Variants in MDGA1 observed in about 807,000 individuals in gnomAD.
MDGA1 encodes MAM domain containing glycosylphosphatidylinositol anchor 1, also known as MAM domain-containing glycosylphosphatidylinositol anchor protein 1.
A neutral mutation model predicts 101.5 loss-of-function variants in MDGA1; 54 were observed. The ratio of observed to expected loss-of-function variants is 0.53; its 90% CI spans 0.43 to 0.67. MDGA1 has a LOEUF of 0.67. Ranked by LOEUF, MDGA1 falls within the 30% of genes least tolerant of loss-of-function variation. The pLI is 0.00. For synonymous variants in MDGA1, 533 were observed against 558.3 expected, an observed-to-expected ratio of 0.95 and a Z score of 0.64; for missense variants, 1,083 against 1,323.8, an observed-to-expected ratio of 0.82 and a Z score of 2.82.
rs55772486 is a variant in MDGA1, at chr6:37,696,876, G to T, written c.-65C>A. On this transcript the variant is annotated 5_prime_UTR_variant, in exon 1 of 17. Transcript: ENST00000434837. This position sits in a 1 kb window ranked among gnomAD's most constrained non-coding sequence, Gnocchi z 5.6. ...CCGAGAGGCGGCGGGGGGCGCATTC[G>T]CCGGGGCCCCGCGACGCCCCTATGT... The T allele has an allele frequency of 2.8e-6, 4 of 1,421,996 alleles. No homozygotes were observed. Among genetic ancestry groups the T allele is most frequent in the Admixed American group, 2.0e-5 (1 of 50,686 alleles). 88.1% of individuals were successfully genotyped at this position (1,421,996 alleles called of 1,614,324 possible). A position where few individuals can be genotyped will look rare whatever the true frequency, so the allele number is the denominator to read the frequency against.
chr6:37,653,010 C>T (rs972510135), intron 6 of MDGA1, among the ~76,000 whole-genome samples: 15 of 152,146 alleles, frequency 9.9e-5, no homozygotes, highest in African/African-American at 3.6e-4. Context: ...GAAAACACAG[C>T]ATTTGGAAAG....
chr6:37,664,345 T>C, intron 1 of MDGA1: 1 of 515,344 alleles, frequency 1.9e-6, no homozygotes, highest in East Asian at 3.0e-5. Flanking sequence ...AGAGCTGTGC[T>C]TTTCAGTGGG....
Position 37,638,459 on chromosome 6 carries a change from G to A in MDGA1, c.2667+78C>T, listed in dbSNP as rs1763985704. 16 of 1,594,422 alleles carry A rather than the reference G, an allele frequency of 1.0e-5. No homozygotes were observed. The South Asian group carries it at 1.8e-4, about 18-fold the overall frequency. On this transcript the variant is annotated intron_variant, in intron 15 of 16. Coordinates refer to ENST00000434837, the MANE Select transcript of MDGA1 (RefSeq NM_153487.4). This position sits in a 1 kb window ranked among gnomAD's most constrained non-coding sequence, Gnocchi z 4.8. Reference sequence around the variant, plus strand: ...TCCATCCTTAGCCCCCAGGAAGAAGGACAAGGTTTTCCTAAGTGTTTCCTG... The same window carrying A: ...TCCATCCTTAGCCCCCAGGAAGAAGAACAAGGTTTTCCTAAGTGTTTCCTG...
chr6:37,654,250 C>T (rs1359234080), intron 6 of MDGA1, 24 bp downstream of exon 6: 1 of 1,518,566 alleles, frequency 6.6e-7, no homozygotes, highest in Admixed American at 2.2e-5. Context: ...CAACTTCCCT[C>T]CCACCCCTTC....
At chr6:37,685,365 T>C (rs1762176701) in intron 1 of MDGA1, among the ~76,000 whole-genome samples, 2 of 151,696 alleles carry the variant, frequency 1.3e-5, no homozygotes, top group African/African-American at 4.8e-5. Flanking sequence ...AACTCAGAGG[T>C]CTCCGTTCCT....
Position 37,652,282 on chromosome 6 carries a change from G to C in MDGA1, c.1041C>G (p.Ile347Met). The C allele has an allele frequency of 6.2e-7, 1 of 1,613,964 alleles. No individual in the cohort carries two copies. Among genetic ancestry groups the C allele is most frequent in the Non-Finnish European group, 8.5e-7 (1 of 1,179,874 alleles). Residue 347 changes from isoleucine to methionine, a missense_variant, in exon 7 of 17, where the codon ATC becomes ATG. Physicochemically the swap from Ile to Met is conservative, Grantham distance 10. Coordinates refer to ENST00000434837, the MANE Select transcript of MDGA1 (RefSeq NM_153487.4). The surrounding 1 kb of genome is among the most constrained non-coding windows in gnomAD (Gnocchi z 4.3). ...ATAGCTTCAGGTCCTGGCCCAGCTG[G>C]ATGTTCTCACTCTCTTTGATCACGT... is the stretch of plus-strand genomic sequence containing the variant. Reference protein sequence around the residue: ...TPDVIKESENIQLGQDLKLSC... With the variant: ...TPDVIKESENMQLGQDLKLSC...
rs1256025052 is a variant in MDGA1 at position 37,654,260 on chromosome 6, C to T, written c.982+14G>A. On this transcript the variant is annotated intron_variant, in intron 6 of 16. Transcript: ENST00000434837. ...CCTCACAACTTCCCTCCCACCCCTTCTGAGGCCACGTACATCGCACCAGCA... is the reference window on the plus strand; with the variant it reads ...CCTCACAACTTCCCTCCCACCCCTTTTGAGGCCACGTACATCGCACCAGCA... 2.6e-6 allele frequency: 4 copies of T among 1,524,478 alleles called. No homozygotes were observed. The highest frequency in any genetic ancestry group is 3.5e-6 in the Non-Finnish European group (4 of 1,136,046). The allele number at this position is 1,524,478 out of a possible 1,614,324, so 94.4% of individuals were successfully genotyped here. A position where few individuals can be genotyped will look rare whatever the true frequency, so the allele number is the denominator to read the frequency against.
At position 37,649,214 on chromosome 6, in the gene MDGA1, C is replaced by T. The variant is rs1325013391; in HGVS notation, c.1662G>A (p.Arg554=). The change falls in exon 9 of 17, where the codon CGG becomes CGA. Residue 554 remains arginine (R), a synonymous_variant. Transcript: ENST00000434837. ...SSQDVRQALG[R]PVLLRCSLLR... ...GCAGCGAGCAGCGCAGGAGCACGGG[C>T]CGGCCCAGCGCCTGGCGCACGTCCT... is the stretch of plus-strand genomic sequence containing the variant. The T allele has an allele frequency of 4.0e-6, 6 of 1,510,226 alleles. No individual in the cohort carries two copies. The highest frequency in any genetic ancestry group is 5.3e-6 in the Non-Finnish European group (6 of 1,137,214). 93.6% of individuals were successfully genotyped at this position (1,510,226 alleles called of 1,614,324 possible).
intron 1 of MDGA1, among the ~76,000 whole-genome samples, chr6:37,686,797 A>G (rs1762207151): frequency 3.3e-5 from 5 of 152,162 alleles, no homozygotes; most frequent in Admixed American, 3.3e-4. Context: ...CCACCATGAG[A>G]AGAGCAGAGC....
At chr6:37,672,734 C>T (rs1385752356) in intron 1 of MDGA1, among the ~76,000 whole-genome samples, 1 of 152,200 alleles carries the variant, frequency 6.6e-6, no homozygotes, top group Non-Finnish European at 1.5e-5. Flanking sequence ...TGGCTTCCAT[C>T]AGACAGTCAT....
At chr6:37,653,626 C>T (rs138548752) in intron 6 of MDGA1, among the ~76,000 whole-genome samples, 2 of 151,992 alleles carry the variant, frequency 1.3e-5, no homozygotes, top group African/African-American at 4.8e-5. Flanking sequence ...AAACAAAATC[C>T]CTAAAGCTGC....
rs1763894494 is a variant in MDGA1 at position 37,635,031 on chromosome 6, C to T, written c.*2337G>A. ...CTATTCATCTCTGGTGCTCCAATGC[C>T]TACCCCAGCGAGGGCACAGAGGAAG... On this transcript the variant is annotated 3_prime_UTR_variant, in exon 17 of 17. Transcript: ENST00000434837. 6.4e-6 allele frequency: 1 copy of T among 155,868 alleles called. No individual in the cohort carries two copies. The highest frequency in any genetic ancestry group is 2.1e-4 in the South Asian group (1 of 4,866). 9.7% of individuals were successfully genotyped at this position (155,868 alleles called of 1,614,324 possible). A position where few individuals can be genotyped will look rare whatever the true frequency, so the allele number is the denominator to read the frequency against.
In MDGA1 at chr6:37,646,220, G is replaced by A. The variant is rs751455031; in HGVS notation, c.2202C>T (p.Ser734=). The part of the protein sequence containing the change: ...YTTFGAGDMA[S]RIIHYTEPIN... ...TACGCTCTGTGTAGTGGATGATGCGGGAGGCCATGTCACCAGCCCCGAAGG... is the reference window on the plus strand; with the variant it reads ...TACGCTCTGTGTAGTGGATGATGCGAGAGGCCATGTCACCAGCCCCGAAGG... Residue 734 remains serine (S), a synonymous_variant, in exon 11 of 17, where the codon TCC becomes TCT. Coordinates refer to ENST00000434837, the MANE Select transcript of MDGA1 (RefSeq NM_153487.4). The A allele has an allele frequency of 1.2e-5, 19 of 1,588,170 alleles. 1 individual carries two copies. In the Admixed American group the frequency reaches 3.3e-4, roughly 27 times the overall value.
At chr6:37,651,562 G>C (rs1230422360) in intron 7 of MDGA1, among the ~76,000 whole-genome samples, 1 of 151,966 alleles carries the variant, frequency 6.6e-6, no homozygotes, top group Non-Finnish European at 1.5e-5. Flanking sequence ...CCATGCCCTA[G>C]ACATCAGGCC....
chr6:37,658,229 G>A lies in MDGA1; in HGVS notation c.382+16C>T. On this transcript the variant is annotated intron_variant, in intron 3 of 16. Transcript: ENST00000434837. Reference sequence around the variant, plus strand: ...TGGGCTGTCAGGGCCCGGGGAGAGAGGGGGCCTCAACTCACACTGCACGTC... The same window carrying A: ...TGGGCTGTCAGGGCCCGGGGAGAGAAGGGGCCTCAACTCACACTGCACGTC... The A allele has an allele frequency of 6.4e-7, 1 of 1,559,378 alleles. No homozygotes were observed. Among genetic ancestry groups the A allele is most frequent in the Non-Finnish European group, 8.7e-7 (1 of 1,150,704 alleles).
intron 13 of MDGA1, 84 bp from the exon 14 acceptor site, chr6:37,644,027 G>A (rs1446891116): frequency 6.5e-7 from 1 of 1,528,056 alleles, no homozygotes; most frequent in Non-Finnish European, 8.8e-7. Context: ...CTAGGCCTCT[G>A]CGGGCTGAAT....
Position 37,646,295 on chromosome 6 carries a change from G to C in MDGA1, c.2127C>G (p.Thr709=). 1.2e-6 allele frequency: 2 copies of C among 1,600,690 alleles called. No homozygotes were observed. ...EKGQLLEYIL[T]DLRVPHSYEV... is the part of the protein sequence containing the mutation. ...CATAGCTGTGGGGCACACGGAGATC[G>C]GTCAGGATGTACTCCAGCAGCTGCC... Residue 709 remains threonine (T), a synonymous_variant, in exon 11 of 17, where the codon ACC becomes ACG. Coordinates refer to ENST00000434837, the MANE Select transcript of MDGA1 (RefSeq NM_153487.4).
chr6:37,646,391 A>C lies in MDGA1; in HGVS notation c.2047-16T>G, dbSNP rs1205681522. The stretch of plus-strand genomic sequence containing the variant: ...GCTGGTTCAACTGTTAAGTACAGAG[A>C]GTTCCCAGATGCCTAGGAAGTCAGG... On this transcript the variant is annotated splice_polypyrimidine_tract_variant and intron_variant, in intron 10 of 16. Coordinates refer to ENST00000434837, the MANE Select transcript of MDGA1 (RefSeq NM_153487.4). 1.4e-6 allele frequency: 2 copies of C among 1,458,338 alleles called. No individual in the cohort carries two copies. The highest frequency in any genetic ancestry group is 4.9e-5 in the East Asian group (2 of 41,034). The allele number at this position is 1,458,338 out of a possible 1,614,324, so 90.3% of individuals were successfully genotyped here.
At chr6:37,639,850 A>G (rs1764021936) in intron 14 of MDGA1, 1 of 152,238 alleles carries the variant, frequency 6.6e-6, no homozygotes, top group Non-Finnish European at 1.5e-5. Flanking sequence ...TAGATGGATG[A>G]ATAAATGAAT....
Sources: allele counts gnomAD v4.1 joint callset (sites outside exome capture counted in the v4.1 genomes callset), GRCh38; gene constraint gnomAD v4.1.1; non-coding constraint Gnocchi (gnomAD v3.1); transcripts MANE v1.5; gene names NCBI Gene and HGNC (gene_info 2026-07-23, HGNC 2026-07-21).